NEDD4L: variants seen among roughly 807,000 people sequenced by gnomAD.
NEDD4L encodes NEDD4 like E3 ubiquitin protein ligase.
A neutral mutation model predicts 148.9 loss-of-function variants in NEDD4L; 54 were observed. The observed-to-expected ratio is 0.36, with a 90% CI of 0.29 to 0.45. NEDD4L has a LOEUF of 0.45. NEDD4L is among the 20% of genes least tolerant of loss of function. NEDD4L has a pLI of 1.00. For missense variants in NEDD4L, 856 were observed against 1,233.8 expected (o/e 0.69, Z 4.59); for synonymous variants, 433 against 440.7 (o/e 0.98, Z 0.22).
chr18:58,070,064 G>A (rs2082788098), intron 1 of NEDD4L, among the ~76,000 whole-genome samples: 1 of 152,156 alleles, frequency 6.6e-6, no homozygotes, highest in Admixed American at 6.5e-5. Flanking sequence ...CCATTTGGCA[G>A]CTTGCTTGAA....
At chr18:58,190,677 G>A (rs562096728) in intron 2 of NEDD4L, among the ~76,000 whole-genome samples, 1 of 152,146 alleles carries the variant, frequency 6.6e-6, no homozygotes, top group African/African-American at 2.4e-5. Context: ...TTCTTGTGAA[G>A]AATCTGTATT....
chr18:58,094,925 A>C, intron 1 of NEDD4L, among the ~76,000 whole-genome samples: 1 of 149,876 alleles, frequency 6.7e-6, no homozygotes. Flanking sequence ...AAAAGAAGGG[A>C]TTTCCCTGTT....
chr18:58,317,153 A>T (rs1363134440), intron 6 of NEDD4L, among the ~76,000 whole-genome samples: 2 of 152,238 alleles, frequency 1.3e-5, no homozygotes, highest in African/African-American at 2.4e-5. Flanking sequence ...CTGGAAGTGA[A>T]AGTGATATTC....
At chr18:58,136,472 C>A (rs1312142767) in intron 1 of NEDD4L, among the ~76,000 whole-genome samples, 1 of 152,238 alleles carries the variant, frequency 6.6e-6, no homozygotes, top group East Asian at 1.9e-4. Context: ...TCAGTGTCTT[C>A]CAGCGATTTT....
intron 1 of NEDD4L, among the ~76,000 whole-genome samples, chr18:58,122,422 C>T (rs939157161): frequency 6.6e-6 from 1 of 152,160 alleles, no homozygotes; most frequent in East Asian, 1.9e-4. Context: ...ATAGCTTGAA[C>T]CCAGGAGGAG....
chr18:58,142,827 CT>C (rs1319014490), intron 1 of NEDD4L, among the ~76,000 whole-genome samples: 1 of 123,510 alleles, frequency 8.1e-6, no homozygotes, highest in Non-Finnish European at 1.8e-5. Flanking sequence ...TAGACCTCAC[CT>C]TTTATCATTT....
chr18:58,378,989 T>G (rs1215766965), intron 24 of NEDD4L, among the ~76,000 whole-genome samples: 1 of 152,212 alleles, frequency 6.6e-6, no homozygotes, highest in African/African-American at 2.4e-5. Flanking sequence ...ATTTTTCTAC[T>G]GCAGTGTTCT....
chr18:58,158,523 A>G (rs556246444), intron 1 of NEDD4L, among the ~76,000 whole-genome samples: 4 of 152,100 alleles, frequency 2.6e-5, no homozygotes, highest in Admixed American at 6.5e-5. Flanking sequence ...ATTTTTTCCC[A>G]TTTGTTAACC....
intron 5 of NEDD4L, among the ~76,000 whole-genome samples, chr18:58,300,125 C>G (rs1028776327): frequency 3.9e-5 from 6 of 152,170 alleles, no homozygotes; most frequent in African/African-American, 1.4e-4. Flanking sequence ...AGTTACTAGG[C>G]CTTTCTGTGT....
chr18:58,225,977 G>A (rs372676727), intron 2 of NEDD4L, among the ~76,000 whole-genome samples: 34 of 152,222 alleles, frequency 2.2e-4, no homozygotes, highest in African/African-American at 7.7e-4. Context: ...CAGTTAATAT[G>A]GAAGTTGCGG....
chr18:58,330,766 A>T lies in NEDD4L; in HGVS notation c.842A>T (p.Asn281Ile), dbSNP rs549070916. ...TGGGAGACCATTTCAGAGGAAGTGA[A>T]TATCGCTGGAGACTCTCTCGGTCTG... Reference protein sequence around the residue: ...EPWETISEEVNIAGDSLGLAL... With the variant: ...EPWETISEEVIIAGDSLGLAL... Residue 281 changes from asparagine to isoleucine, a missense_variant, in exon 11 of 31, where the codon AAT (asparagine) becomes ATT (isoleucine). By Grantham distance (149) the Asn-to-Ile change is moderately radical (BLOSUM62 -3). Transcript: ENST00000400345. 1.5e-5 allele frequency: 24 copies of T among 1,607,086 alleles called. No individual in the cohort carries two copies. In the East Asian group the frequency reaches 4.9e-4, roughly 33 times the overall value.
intron 9 of NEDD4L, among the ~76,000 whole-genome samples, chr18:58,326,445 G>A (rs536486174): frequency 6.6e-6 from 1 of 152,234 alleles, no homozygotes; most frequent in East Asian, 1.9e-4. Context: ...GATTCTTTTT[G>A]TTTTTTATAT....
At chr18:58,065,138 T>G (rs2082533106) in intron 1 of NEDD4L, among the ~76,000 whole-genome samples, 1 of 152,236 alleles carries the variant, frequency 6.6e-6, no homozygotes, top group Non-Finnish European at 1.5e-5. Context: ...TTTCTTGCTT[T>G]TTAGTCATGC....
chr18:58,173,081 C>G lies in NEDD4L; in HGVS notation c.122+7220C>G, dbSNP rs531811403. Among the ~76,000 whole-genome samples, 5 of 152,166 alleles carry G rather than the reference C, an allele frequency of 3.3e-5. No individual in the cohort carries two copies. The East Asian group carries it at 9.7e-4, about 29-fold the overall frequency. On this transcript the variant is annotated intron_variant, in intron 2 of 30. Coordinates refer to ENST00000400345, the MANE Select transcript of NEDD4L (RefSeq NM_001144967.3). ...AAGATCTTAAAGTTTTTCCTTTAAA[C>G]TTAGGATAGCTGTTCAAATTTCAAA...
At chr18:58,212,205 C>T (rs969715648) in intron 2 of NEDD4L, among the ~76,000 whole-genome samples, 9 of 152,174 alleles carry the variant, frequency 5.9e-5, no homozygotes, top group African/African-American at 1.9e-4. Context: ...GGGCTCACTG[C>T]AGCCTTGACC....
At chr18:58,190,706 G>T (rs2040009071) in intron 2 of NEDD4L, among the ~76,000 whole-genome samples, 1 of 152,122 alleles carries the variant, frequency 6.6e-6, no homozygotes, top group African/African-American at 2.4e-5. Flanking sequence ...TACTGGAAGG[G>T]TTTATTTTAG....
At chr18:58,173,059 A>T (rs909257389) in intron 2 of NEDD4L, among the ~76,000 whole-genome samples, 1 of 152,176 alleles carries the variant, frequency 6.6e-6, no homozygotes, top group Non-Finnish European at 1.5e-5. Context: ...GCTAAGTAAG[A>T]TCTTAAAGTT....
At chr18:58,339,816 G>C (rs975062797) in intron 13 of NEDD4L, among the ~76,000 whole-genome samples, 1 of 152,126 alleles carries the variant, frequency 6.6e-6, no homozygotes, top group Admixed American at 6.5e-5. Flanking sequence ...GAGTCCACCA[G>C]GGAACTCCAG....
At chr18:58,075,393 C>T (rs904743775) in intron 1 of NEDD4L, among the ~76,000 whole-genome samples, 15 of 152,104 alleles carry the variant, frequency 9.9e-5, no homozygotes, top group Non-Finnish European at 2.2e-4. Flanking sequence ...CCTTGTGATC[C>T]ACCCTCCTCA....
Sources: gnomAD v4.1 joint callset for allele counts (sites outside exome capture counted in the v4.1 genomes callset) on GRCh38, gnomAD v4.1.1 for gene constraint, MANE v1.5 for transcripts, NCBI Gene and HGNC (gene_info 2026-07-23, HGNC 2026-07-21) for gene names.